Variants in BAD observed in about 807,000 individuals in gnomAD.
BAD encodes the protein bcl2-associated agonist of cell death.
Under a neutral mutation model 17.8 loss-of-function variants are expected in BAD, and 18 were observed. That is an observed-to-expected ratio of 1.01 (90% CI 0.70 to 1.50). The LOEUF (loss-of-function observed/expected upper bound fraction) is 1.50. BAD is among the 40% of genes most tolerant of loss of function. The pLI is 0.00. For missense variants in BAD, 294 were observed against 239.3 expected (o/e 1.23, Z -1.51); for synonymous variants, 112 against 91.5 (o/e 1.22, Z -1.28).
chr11:64,270,338 C>T lies in BAD; in HGVS notation c.379-1G>A. 1 of 1,549,428 alleles carries T rather than the reference C, an allele frequency of 6.5e-7. No homozygotes were observed. Among genetic ancestry groups the T allele is most frequent in the Non-Finnish European group, 8.7e-7 (1 of 1,144,276 alleles). ...CGCTCTTCGGGCGAGGAAGTCCCTT[C>T]TGGTGGAGGGAGAAAAGGGTTACAT... is the stretch of plus-strand genomic sequence containing the variant. On this transcript the variant is annotated splice_acceptor_variant, in intron 3 of 3. Coordinates refer to ENST00000309032, the MANE Select transcript of BAD (RefSeq NM_032989.3). LOFTEE classifies it high-confidence loss of function.
chr11:64,284,552 C>T lies in BAD; in HGVS notation c.-9+79G>A. The stretch of plus-strand genomic sequence containing the variant: ...CCTGGCAGGGAGCTGAGGCTGTCGG[C>T]TCAGGACCTCAGTCTCCCCTCAGAA... On this transcript the variant is annotated intron_variant, in intron 1 of 3. Transcript: ENST00000309032. The T allele has an allele frequency of 2.0e-6, 3 of 1,496,500 alleles. No homozygotes were observed. In the Admixed American group the frequency reaches 6.4e-5, roughly 32 times the overall value. The allele number at this position is 1,496,500 out of a possible 1,614,324, so 92.7% of individuals were successfully genotyped here.
At chr11:64,271,405 A>C (rs1421032143) in intron 3 of BAD, among the ~76,000 whole-genome samples, 3 of 132,246 alleles carry the variant, frequency 2.3e-5, no homozygotes, top group East Asian at 2.2e-4. Flanking sequence ...ACACACACAC[A>C]CCAGGCGGGG....
chr11:64,279,892 C>A (rs2033324829), intron 2 of BAD, among the ~76,000 whole-genome samples: 2 of 152,002 alleles, frequency 1.3e-5, no homozygotes, highest in African/African-American at 4.8e-5. Context: ...AAGCCAGATT[C>A]CTTGGTGTTG....
At chr11:64,272,129 G>T (rs1555067852) in intron 2 of BAD, among the ~76,000 whole-genome samples, 1 of 152,132 alleles carries the variant, frequency 6.6e-6, no homozygotes, top group Non-Finnish European at 1.5e-5. Context: ...GACCATCCTG[G>T]CCAACATGGT....
intron 2 of BAD, among the ~76,000 whole-genome samples, chr11:64,282,550 C>A (rs1045352652): frequency 2.1e-4 from 32 of 149,500 alleles, no homozygotes; most frequent in Non-Finnish European, 1.6e-4. Context: ...GCCTGGGCAA[C>A]AAAAGGAGAC....
intron 2 of BAD, among the ~76,000 whole-genome samples, chr11:64,281,290 G>A (rs2033454703): frequency 6.6e-6 from 1 of 151,930 alleles, no homozygotes; most frequent in Non-Finnish European, 1.5e-5. Context: ...AAATTCCTTG[G>A]CATCATCCTG....
At position 64,274,652 on chromosome 11, in the gene BAD, C is replaced by T. The variant is rs551698014; in HGVS notation, c.188-2849G>A. ...CCTGACCCACATGGTGAAACCCTGT[C>T]TCTACTAAAAACACAAAAATTAGCC... On this transcript the variant is annotated intron_variant, in intron 2 of 3. Transcript: ENST00000309032. Among the ~76,000 whole-genome samples the T allele has an allele frequency of 2.6e-5, 4 of 152,250 alleles. No homozygotes were observed. In the East Asian group the frequency reaches 7.7e-4, roughly 29 times the overall value.
Position 64,271,758 on chromosome 11 carries a change from G to A in BAD, c.233C>T (p.Ala78Val). The change falls in exon 3 of 4, where the codon GCG becomes GTG. Residue 78 changes from alanine to valine, a missense_variant. Transcript: ENST00000309032. ...EIRSRHSSYP[A>V]GTEDDEGMGE... is the part of the protein sequence containing the mutation. ...CATCCCTTCGTCGTCCTCCGTCCCC[G>A]CGGGGTAGGAGCTGTGGCGACTCCG... The A allele has an allele frequency of 7.0e-7, 1 of 1,428,970 alleles. No homozygotes were observed. The highest frequency in any genetic ancestry group is 1.5e-5 in the African/African-American group (1 of 67,490). 88.5% of individuals were successfully genotyped at this position (1,428,970 alleles called of 1,614,324 possible).
chr11:64,277,726 G>T (rs563933212), intron 2 of BAD, among the ~76,000 whole-genome samples: 1 of 152,280 alleles, frequency 6.6e-6, no homozygotes, highest in Admixed American at 6.5e-5. Flanking sequence ...GGTATGAAAG[G>T]CTGGCTGGCA....
chr11:64,278,384 A>G (rs896077055), intron 2 of BAD, among the ~76,000 whole-genome samples: 3 of 148,166 alleles, frequency 2.0e-5, no homozygotes, highest in African/African-American at 7.4e-5. Flanking sequence ...TTATATATAT[A>G]TATTTATATA....
chr11:64,284,036 T>C (rs1160471521), intron 2 of BAD, 146 bp downstream of exon 2: 2 of 922,956 alleles, frequency 2.2e-6, no homozygotes. Context: ...GGTTATTAAT[T>C]GCTGTTTTAC....
In BAD at chr11:64,270,077, TC is replaced by T. The variant is rs1357039877; in HGVS notation, c.*131del. The stretch of plus-strand genomic sequence containing the variant: ...CACACGCACCGGAAGGGAATCTGGG[TC>T]AGCCCTCCCTCCAAAGGAGACAGCA... On this transcript the variant is annotated 3_prime_UTR_variant, in exon 4 of 4. Coordinates refer to ENST00000309032, the MANE Select transcript of BAD (RefSeq NM_032989.3). 1 of 1,456,648 alleles carries T rather than the reference TC, an allele frequency of 6.9e-7. No homozygotes were observed. The highest frequency in any genetic ancestry group is 1.4e-5 in the African/African-American group (1 of 71,068). The allele number at this position is 1,456,648 out of a possible 1,614,324, so 90.2% of individuals were successfully genotyped here.
Position 64,269,891 on chromosome 11 carries a change from G to C in BAD, c.*318C>G, listed in dbSNP as rs543721700. On this transcript the variant is annotated 3_prime_UTR_variant, in exon 4 of 4. Coordinates refer to ENST00000309032, the MANE Select transcript of BAD (RefSeq NM_032989.3). The stretch of plus-strand genomic sequence containing the variant: ...TGAGCACGGCCCCCAGGGCATCGCG[G>C]GGGCTCGGGTCCCGGTGACGCAACG... The C allele has an allele frequency of 1.4e-6, 1 of 699,230 alleles. No individual in the cohort carries two copies. Among genetic ancestry groups the C allele is most frequent in the African/African-American group, 1.8e-5 (1 of 57,132 alleles). The allele number at this position is 699,230 out of a possible 1,614,324, so 43.3% of individuals were successfully genotyped here.
At chr11:64,277,067 A>G in intron 2 of BAD, 1 of 703,270 alleles carries the variant, frequency 1.4e-6, no homozygotes, top group Non-Finnish European at 2.7e-6. Flanking sequence ...GAGGAAACAG[A>G]GGCACACTTA....
chr11:64,270,503 C>A, intron 3 of BAD, 166 bp from the exon 4 acceptor site: 1 of 892,622 alleles, frequency 1.1e-6, no homozygotes, highest in Non-Finnish European at 1.7e-6. Context: ...CGCGAGGACG[C>A]ATGGGCCCCC....
chr11:64,274,035 G>A (rs2032849454), intron 2 of BAD, among the ~76,000 whole-genome samples: 1 of 152,178 alleles, frequency 6.6e-6, no homozygotes, highest in African/African-American at 2.4e-5. Context: ...GACCTGGCCT[G>A]TGGGCCAGTG....
intron 2 of BAD, among the ~76,000 whole-genome samples, chr11:64,274,321 A>G (rs1435090980): frequency 6.6e-6 from 1 of 151,792 alleles, no homozygotes; most frequent in African/African-American, 2.4e-5. Flanking sequence ...CGGGAGGCGG[A>G]GCTTGCAGTG....
rs972107393 is a variant in BAD at position 64,269,986 on chromosome 11, A to G, written c.*223T>C. On this transcript the variant is annotated 3_prime_UTR_variant, in exon 4 of 4. Transcript: ENST00000309032. Reference sequence around the variant, plus strand: ...CCGGAGCCTGAGGGCGGGGCCACGGAGCCACTTCCGGCGGCTGTGGGCGGA... The same window carrying G: ...CCGGAGCCTGAGGGCGGGGCCACGGGGCCACTTCCGGCGGCTGTGGGCGGA... 3 of 834,710 alleles carry G rather than the reference A, an allele frequency of 3.6e-6. No individual in the cohort carries two copies. The highest frequency in any genetic ancestry group is 4.5e-4 in the Middle Eastern group (2 of 4,480). The allele number at this position is 834,710 out of a possible 1,614,324, so 51.7% of individuals were successfully genotyped here.
intron 2 of BAD, among the ~76,000 whole-genome samples, chr11:64,278,042 C>T (rs1021021840): frequency 2.0e-5 from 3 of 152,120 alleles, no homozygotes; most frequent in African/African-American, 4.8e-5. Context: ...AATCCCAACA[C>T]TTTGGGAGGC....
Sources: allele counts gnomAD v4.1 joint callset (sites outside exome capture counted in the v4.1 genomes callset), GRCh38; gene constraint gnomAD v4.1.1; transcripts MANE v1.5; gene names NCBI Gene and HGNC (gene_info 2026-07-23, HGNC 2026-07-21).